JAM3: variants seen among roughly 807,000 people sequenced by gnomAD.
JAM3 encodes the protein junctional adhesion molecule 3.
In JAM3, 31 loss-of-function variants were observed where a neutral mutation model predicts 39.4. The observed-to-expected ratio is 0.79, with a 90% confidence interval of 0.59 to 1.06. The LOEUF (loss-of-function observed/expected upper bound fraction) is 1.06. Ranked by LOEUF, JAM3 falls within the 50% of genes least tolerant of loss-of-function variation. JAM3 has a pLI of 0.00. For missense variants in JAM3, 455 were observed against 391.4 expected (o/e 1.16, Z -1.37); for synonymous variants, 182 against 148.7 (o/e 1.22, Z -1.63).
At chr11:134,087,139 A>AAGC (rs1941758102) in intron 1 of JAM3, among the ~76,000 whole-genome samples, 1 of 152,072 alleles carries the variant, frequency 6.6e-6, no homozygotes, top group South Asian at 2.1e-4. Flanking sequence ...AAACACGCTT[A>AAGC]GTGAAATGAA....
chr11:134,109,474 T>G (rs113283262), intron 1 of JAM3, among the ~76,000 whole-genome samples: 1 of 152,134 alleles, frequency 6.6e-6, no homozygotes, highest in Non-Finnish European at 1.5e-5. Flanking sequence ...CTTTTGCAAA[T>G]AAAATTTTAT....
intron 6 of JAM3, chr11:134,148,036 C>G: frequency 5.2e-6 from 1 of 193,334 alleles, no homozygotes; most frequent in Non-Finnish European, 1.1e-5. Flanking sequence ...GATCGGAGGT[C>G]AGGCAGCCGG....
rs1029306828 is a variant in JAM3, at chr11:134,149,459, C to T, written c.*278C>T. 2.4e-5 allele frequency: 14 copies of T among 578,798 alleles called. No individual in the cohort carries two copies. The highest frequency in any genetic ancestry group is 4.7e-4 in the Middle Eastern group (1 of 2,144). The allele number at this position is 578,798 out of a possible 1,614,324, so 35.9% of individuals were successfully genotyped here. ...CCTAATCTGTTTCTGGCCTGATTCC[C>T]GCATGAGTATTAGGGTGATCTTAAA... is the stretch of plus-strand genomic sequence containing the variant. On this transcript the variant is annotated 3_prime_UTR_variant, in exon 9 of 9. Transcript: ENST00000299106.
At chr11:134,148,855 C>CA (rs779861276) in intron 8 of JAM3, 37 bp downstream of exon 8, 19 of 1,602,930 alleles carry the variant, frequency 1.2e-5, no homozygotes, top group Non-Finnish European at 1.6e-5. Flanking sequence ...TAGGTGTACC[C>CA]AGCAGGGAAA....
chr11:134,121,353 C>T (rs1356571772), intron 1 of JAM3, among the ~76,000 whole-genome samples: 1 of 152,150 alleles, frequency 6.6e-6, no homozygotes, highest in African/African-American at 2.4e-5. Context: ...GGAAACAGAA[C>T]ACAGTAGTTC....
chr11:134,131,489 T>C lies in JAM3; in HGVS notation c.77-8362T>C, dbSNP rs186641778. Among the ~76,000 whole-genome samples, 204 of 152,052 alleles carry C rather than the reference T, an allele frequency of 1.3e-3. 7 individuals carry two copies. In the South Asian group the frequency reaches 0.026, roughly 19 times the overall value. On this transcript the variant is annotated intron_variant, in intron 1 of 8. Coordinates refer to ENST00000299106, the MANE Select transcript of JAM3 (RefSeq NM_032801.5). The stretch of plus-strand genomic sequence containing the variant: ...AGTTAACCGTATTATAATAATCAAA[T>C]GCCAGATTTTCAACAACAGCATCAA...
At chr11:134,096,608 A>C (rs1941989106) in intron 1 of JAM3, among the ~76,000 whole-genome samples, 1 of 152,224 alleles carries the variant, frequency 6.6e-6, no homozygotes. Context: ...TCACCCAAGG[A>C]AAGGCAGTCT....
At chr11:134,141,869 G>A (rs935310570) in intron 3 of JAM3, among the ~76,000 whole-genome samples, 1 of 152,054 alleles carries the variant, frequency 6.6e-6, no homozygotes, top group African/African-American at 2.4e-5. Flanking sequence ...ATGAGTCGGA[G>A]CCTGTGGAGT....
chr11:134,076,832 G>GTT (rs759965688), intron 1 of JAM3, among the ~76,000 whole-genome samples: 2 of 121,052 alleles, frequency 1.7e-5, no homozygotes, highest in Non-Finnish European at 3.4e-5. Flanking sequence ...AACATCTATT[G>GTT]CTTTTTTTTT....
At chr11:134,132,486 ATT>A (rs1255059437) in intron 1 of JAM3, among the ~76,000 whole-genome samples, 1 of 152,230 alleles carries the variant, frequency 6.6e-6, no homozygotes, top group Non-Finnish European at 1.5e-5. Flanking sequence ...GTATGAAGAT[ATT>A]AAGATCTCCG....
At position 134,126,195 on chromosome 11, in the gene JAM3, C is replaced by T. The variant is rs576981385; in HGVS notation, c.77-13656C>T. 6.6e-5 allele frequency: 10 copies of T among 152,264 alleles called. No individual in the cohort carries two copies. The South Asian group carries it at 1.4e-3, about 22-fold the overall frequency. The allele number at this position is 152,264 out of a possible 1,614,324, so 9.4% of individuals were successfully genotyped here. On this transcript the variant is annotated intron_variant, in intron 1 of 8. Coordinates refer to ENST00000299106, the MANE Select transcript of JAM3 (RefSeq NM_032801.5). ...AGGTAGAATGCTAGTAATACTTGAG[C>T]CTAGAAATTACTTAACCAGATGACA...
rs61909687 is a variant in JAM3 at position 134,105,665 on chromosome 11, A to G, written c.77-34186A>G. 1.5e-3 allele frequency among the ~76,000 whole-genome samples: 228 copies of G among 152,326 alleles called. 1 individual carries two copies. The highest frequency in any genetic ancestry group is 2.8e-3 in the Non-Finnish European group (191 of 68,026). ...CAACTTCAGCAAAATCTCAGGATAC[A>G]AAATCAATGTCCAGACATCACAAGC... On this transcript the variant is annotated intron_variant, in intron 1 of 8. Transcript: ENST00000299106.
intron 1 of JAM3, among the ~76,000 whole-genome samples, chr11:134,116,961 GTTAT>G (rs1942446195): frequency 6.6e-6 from 1 of 151,874 alleles, no homozygotes. Context: ...CGTATTTATA[GTTAT>G]TTGTTTAACC....
intron 6 of JAM3, chr11:134,147,713 T>TC (rs199640751): frequency 0.26 from 39,417 of 151,642 alleles, 5,375 homozygotes; most frequent in African/African-American, 0.31. Context: ...GTCTCGAATC[T>TC]CTGACCTCGT....
chr11:134,125,427 C>A (rs956160149), intron 1 of JAM3, among the ~76,000 whole-genome samples: 1 of 152,182 alleles, frequency 6.6e-6, no homozygotes, highest in Admixed American at 6.5e-5. Context: ...TCGTACAGAT[C>A]CTCTTCCCAC....
chr11:134,123,797 C>G, intron 1 of JAM3: 1 of 734,218 alleles, frequency 1.4e-6, no homozygotes, highest in Non-Finnish European at 2.5e-6. Flanking sequence ...ATGCCACAAT[C>G]AAGTGAGCCT....
rs113878348 is a variant in JAM3 at position 134,136,142 on chromosome 11, T to C, written c.77-3709T>C. ...TAAGAGTATGATGGACAGGCCAAAA[T>C]AGGAAATTGAATAGGAATAACAGCA... On this transcript the variant is annotated intron_variant, in intron 1 of 8. Coordinates refer to ENST00000299106, the MANE Select transcript of JAM3 (RefSeq NM_032801.5). 2.6e-5 allele frequency among the ~76,000 whole-genome samples: 4 copies of C among 151,618 alleles called. No homozygotes were observed. In the South Asian group the frequency reaches 8.3e-4, roughly 31 times the overall value.
intron 1 of JAM3, among the ~76,000 whole-genome samples, chr11:134,095,363 G>A (rs1941959943): frequency 6.6e-6 from 1 of 152,070 alleles, no homozygotes; most frequent in African/African-American, 2.4e-5. Context: ...CCAGCGCAGT[G>A]GCTCACGCCT....
intron 1 of JAM3, among the ~76,000 whole-genome samples, chr11:134,135,851 C>T (rs750629986): frequency 7.2e-5 from 11 of 152,032 alleles, no homozygotes; most frequent in Non-Finnish European, 1.6e-4. Context: ...GGTAGAACAC[C>T]TGAGATCAGG....
Sources: allele counts gnomAD v4.1 joint callset (sites outside exome capture counted in the v4.1 genomes callset), GRCh38; gene constraint gnomAD v4.1.1; transcripts MANE v1.5; gene names NCBI Gene and HGNC (gene_info 2026-07-23, HGNC 2026-07-21).